The following DOCK1 variants were observed in gnomAD, a reference collection of about 807,000 sequenced individuals.
The protein encoded by DOCK1 is dedicator of cytokinesis protein 1.
A neutral mutation model predicts 262.7 loss-of-function variants in DOCK1; 138 were observed. That is an observed-to-expected ratio of 0.53 (90% CI 0.46 to 0.61). DOCK1 has a LOEUF of 0.61. DOCK1 is among the 20% of genes least tolerant of loss of function. The pLI, the probability that DOCK1 is intolerant of heterozygous loss-of-function variation, is 0.00. For synonymous variants in DOCK1, 866 were observed against 867.4 expected (o/e 1.00, Z 0.03); for missense variants, 1,908 against 2,370.7 (o/e 0.80, Z 4.05).
chr10:126,958,938 G>GTGCAGC (rs2036971818), intron 1 of DOCK1, among the ~76,000 whole-genome samples: 2 of 152,222 alleles, frequency 1.3e-5, no homozygotes, highest in South Asian at 4.1e-4. Flanking sequence ...GGCGGTCGGG[G>GTGCAGC]TGCAGCTTGA....
intron 29 of DOCK1, among the ~76,000 whole-genome samples, chr10:127,300,835 G>A (rs2061655189): frequency 6.6e-6 from 1 of 152,106 alleles, no homozygotes; most frequent in East Asian, 1.9e-4. Context: ...GGCTCAGCTT[G>A]TTTCATCCGT....
chr10:127,296,766 A>T (rs142043436), intron 29 of DOCK1, among the ~76,000 whole-genome samples: 3 of 152,146 alleles, frequency 2.0e-5, no homozygotes, highest in Admixed American at 6.5e-5. Flanking sequence ...TGTGGCATGC[A>T]TGGGAAAGCG....
At chr10:126,967,482 A>G (rs2037758146) in intron 1 of DOCK1, among the ~76,000 whole-genome samples, 1 of 152,024 alleles carries the variant, frequency 6.6e-6, no homozygotes, top group African/African-American at 2.4e-5. Context: ...ACCACTTTCA[A>G]ATTGCTTTTC....
At chr10:126,908,458 G>A (rs1035447024) in intron 1 of DOCK1, among the ~76,000 whole-genome samples, 10 of 152,078 alleles carry the variant, frequency 6.6e-5, no homozygotes, top group Non-Finnish European at 1.5e-4. Flanking sequence ...AACGAATCAC[G>A]AGGGGTAAGA....
At chr10:127,248,142 A>G (rs575197007) in intron 28 of DOCK1, 33 bp downstream of exon 28, 15 of 1,583,352 alleles carry the variant, frequency 9.5e-6, no homozygotes, top group Non-Finnish European at 1.3e-5. Flanking sequence ...TCACATAACC[A>G]TGTTTTAGGG....
At chr10:127,207,155 C>G (rs1391917818) in intron 27 of DOCK1, among the ~76,000 whole-genome samples, 3 of 152,198 alleles carry the variant, frequency 2.0e-5, no homozygotes. Flanking sequence ...CTTAATTGAG[C>G]TAACTCAATT....
Position 127,012,429 on chromosome 10 carries a change from G to T in DOCK1, c.1201+55G>T. ...GCGTGTATTTGCATGCGTTGGGGCAGTGCTGTCTGGGTTGGTTTTAGTTTG... is the reference window on the plus strand; with the variant it reads ...GCGTGTATTTGCATGCGTTGGGGCATTGCTGTCTGGGTTGGTTTTAGTTTG... On this transcript the variant is annotated intron_variant, in intron 12 of 51. Transcript: ENST00000623213. The surrounding 1 kb of genome is among the most constrained non-coding windows in gnomAD (Gnocchi z 4.0). 2.6e-6 allele frequency: 4 copies of T among 1,550,242 alleles called. No individual in the cohort carries two copies. The highest frequency in any genetic ancestry group is 3.6e-6 in the Non-Finnish European group (4 of 1,125,992).
At chr10:127,224,170 G>T (rs894417079) in intron 27 of DOCK1, among the ~76,000 whole-genome samples, 2 of 151,906 alleles carry the variant, frequency 1.3e-5, no homozygotes, top group African/African-American at 4.8e-5. Context: ...TTTTTTCAAT[G>T]AGTTATAAAG....
chr10:127,012,015 C>T lies in DOCK1; in HGVS notation c.1059-217C>T, dbSNP rs1236053688. Among the ~76,000 whole-genome samples the T allele has an allele frequency of 6.6e-6, 1 of 152,102 alleles. No homozygotes were observed. Among genetic ancestry groups the T allele is most frequent in the Non-Finnish European group, 1.5e-5 (1 of 68,040 alleles). On this transcript the variant is annotated intron_variant, in intron 11 of 51. Transcript: ENST00000623213. The surrounding 1 kb of genome is among the most constrained non-coding windows in gnomAD (Gnocchi z 4.0). ...GTTTATTCCTGGGGAGAGGGTTGCC[C>T]TCATTTGCTCTGTTCCCTCTCGTGG...
chr10:127,277,038 G>T (rs2498951), intron 29 of DOCK1, among the ~76,000 whole-genome samples: 114,813 of 152,002 alleles, frequency 0.76, 43,840 homozygotes, highest in Middle Eastern at 0.88. Context: ...TGTGATTGCT[G>T]CCTGGGGTGG....
intron 29 of DOCK1, among the ~76,000 whole-genome samples, chr10:127,274,025 C>T (rs930497312): frequency 7.2e-5 from 11 of 152,108 alleles, no homozygotes; most frequent in Non-Finnish European, 1.2e-4. Flanking sequence ...TTATGAGATA[C>T]GCTTGGGGGT....
intron 29 of DOCK1, among the ~76,000 whole-genome samples, chr10:127,328,286 C>T (rs1252699872): frequency 1.3e-5 from 2 of 152,176 alleles, no homozygotes; most frequent in East Asian, 3.8e-4. Context: ...CGTGAAATAC[C>T]TTGAAAGCAG....
At chr10:127,054,778 G>A (rs2045020155) in intron 22 of DOCK1, among the ~76,000 whole-genome samples, 1 of 152,134 alleles carries the variant, frequency 6.6e-6, no homozygotes, top group Non-Finnish European at 1.5e-5. Flanking sequence ...TGTGCAGTTT[G>A]TGATCAATAT....
chr10:127,441,886 A>G (rs2134754336), intron 49 of DOCK1, among the ~76,000 whole-genome samples: 1 of 152,198 alleles, frequency 6.6e-6, no homozygotes, highest in East Asian at 1.9e-4. Flanking sequence ...TGTGATTTGC[A>G]TCTCAGCAGT....
chr10:127,227,839 A>G (rs1022538192), intron 27 of DOCK1, among the ~76,000 whole-genome samples: 1 of 152,168 alleles, frequency 6.6e-6, no homozygotes, highest in African/African-American at 2.4e-5. Context: ...GGGGTTTGAC[A>G]CTGGCTCAGA....
Position 127,175,112 on chromosome 10 carries a change from G to C in DOCK1, c.2847+47348G>C. 2 of 1,035,628 alleles carry C rather than the reference G, an allele frequency of 1.9e-6. No individual in the cohort carries two copies. The highest frequency in any genetic ancestry group is 1.4e-6 in the Non-Finnish European group (1 of 692,830). The allele number at this position is 1,035,628 out of a possible 1,614,324, so 64.2% of individuals were successfully genotyped here. A position where few individuals can be genotyped will look rare whatever the true frequency, so the allele number is the denominator to read the frequency against. ...TAGACTATGACCTGTTTACGGAAAT[G>C]CTGGCTTTAGTCTCATTACAGACTT... On this transcript the variant is annotated intron_variant, in intron 27 of 51. Coordinates refer to ENST00000623213, the MANE Select transcript of DOCK1 (RefSeq NM_001290223.2). This position sits in a 1 kb window ranked among gnomAD's most constrained non-coding sequence, Gnocchi z 6.3.
chr10:127,004,205 G>A (rs2040816480), intron 10 of DOCK1, among the ~76,000 whole-genome samples: 1 of 150,960 alleles, frequency 6.6e-6, no homozygotes, highest in African/African-American at 2.4e-5. Flanking sequence ...AGTGAGCCAA[G>A]ATCACGCCAG....
intron 13 of DOCK1, among the ~76,000 whole-genome samples, chr10:127,021,152 G>T (rs576384510): frequency 6.6e-6 from 1 of 152,314 alleles, no homozygotes; most frequent in East Asian, 1.9e-4. Context: ...TGGCCCTGGA[G>T]TAACGCACTT....
In DOCK1 at chr10:127,403,050, C is replaced by T; in HGVS notation, c.3928-5C>T. ...TCTCTTTCTTTTCTTTATTTTAACT[C>T]ACAGATGTGGGAGGAGGCCATTGCC... is the stretch of plus-strand genomic sequence containing the variant. On this transcript the variant is annotated splice_region_variant and splice_polypyrimidine_tract_variant and intron_variant, in intron 38 of 51. Coordinates refer to ENST00000623213, the MANE Select transcript of DOCK1 (RefSeq NM_001290223.2). The T allele has an allele frequency of 6.2e-7, 1 of 1,607,488 alleles. No individual in the cohort carries two copies. The highest frequency in any genetic ancestry group is 8.5e-7 in the Non-Finnish European group (1 of 1,177,360).
Sources: allele counts gnomAD v4.1 joint callset (sites outside exome capture counted in the v4.1 genomes callset), GRCh38; gene constraint gnomAD v4.1.1; non-coding constraint Gnocchi (gnomAD v3.1); transcripts MANE v1.5; gene names NCBI Gene and HGNC (gene_info 2026-07-23, HGNC 2026-07-21).